Variants in SENP6 observed in about 807,000 individuals in gnomAD.
SENP6 encodes the protein SUMO specific peptidase 6.
SENP6 carries 41 observed loss-of-function variants against 134.5 expected under a neutral mutation model. The ratio of observed to expected loss-of-function variants is 0.30; its 90% CI spans 0.24 to 0.40. The LOEUF (loss-of-function observed/expected upper bound fraction) is 0.40. Ranked by LOEUF, SENP6 falls within the 10% of genes least tolerant of loss-of-function variation. The pLI is 1.00. For missense variants in SENP6, 1,248 were observed against 1,312.5 expected (o/e 0.95, Z 0.76); for synonymous variants, 395 against 429.8 (o/e 0.92, Z 1.00).
chr6:75,614,678 C>G (rs1767717068), intron 1 of SENP6, among the ~76,000 whole-genome samples: 1 of 152,206 alleles, frequency 6.6e-6, no homozygotes, highest in African/African-American at 2.4e-5. Context: ...ATTGATGATT[C>G]ATGACTGAAT....
At chr6:75,647,028 C>T (rs554775874) in intron 6 of SENP6, among the ~76,000 whole-genome samples, 8 of 152,196 alleles carry the variant, frequency 5.3e-5, no homozygotes, top group African/African-American at 1.9e-4. Flanking sequence ...CTATGATTTA[C>T]ATTACTAGAT....
At chr6:75,619,319 A>G (rs1768087879) in intron 1 of SENP6, among the ~76,000 whole-genome samples, 1 of 152,108 alleles carries the variant, frequency 6.6e-6, no homozygotes, top group East Asian at 1.9e-4. Context: ...TATATGTGGA[A>G]TCATACAATA....
chr6:75,626,564 A>G (rs1323038441), intron 3 of SENP6, among the ~76,000 whole-genome samples: 2 of 152,082 alleles, frequency 1.3e-5, no homozygotes, highest in African/African-American at 2.4e-5. Context: ...TTTTTCCCCC[A>G]GTCTTTTGCT....
intron 3 of SENP6, among the ~76,000 whole-genome samples, chr6:75,630,948 A>G (rs896409292): frequency 2.0e-5 from 3 of 152,088 alleles, no homozygotes; most frequent in African/African-American, 7.2e-5. Context: ...CGTATTCTGA[A>G]TAATTTCTTT....
chr6:75,637,480 G>T (rs1157130034), intron 5 of SENP6, among the ~76,000 whole-genome samples: 2 of 152,110 alleles, frequency 1.3e-5, no homozygotes, highest in Non-Finnish European at 2.9e-5. Flanking sequence ...AAGATAGATT[G>T]TTTATACACT....
chr6:75,603,483 T>A (rs1002243332), intron 1 of SENP6, among the ~76,000 whole-genome samples: 7 of 152,244 alleles, frequency 4.6e-5, no homozygotes, highest in African/African-American at 1.7e-4. Context: ...CTCATTCTTC[T>A]TGTTAAAAAG....
chr6:75,642,168 A>G (rs936967970), intron 6 of SENP6, among the ~76,000 whole-genome samples: 5 of 152,250 alleles, frequency 3.3e-5, no homozygotes, highest in Admixed American at 3.3e-4. Flanking sequence ...CCAAGTATTT[A>G]TCGAACCTGC....
chr6:75,623,965 GTGT>G lies in SENP6; in HGVS notation c.207+8_207+10del. The G allele has an allele frequency of 6.2e-7, 1 of 1,602,038 alleles. No homozygotes were observed. The highest frequency in any genetic ancestry group is 8.5e-7 in the Non-Finnish European group (1 of 1,172,290). ...GAAACCTCAAAAGGAAAAAAGGCAA[GTGT>G]TGCTTAAAATATTTTCTTCTTTTAC... is the stretch of plus-strand genomic sequence containing the variant. On this transcript the variant is annotated splice_donor_region_variant and intron_variant, in intron 3 of 23. Coordinates refer to ENST00000447266, the MANE Select transcript of SENP6 (RefSeq NM_015571.4).
At chr6:75,662,642 TCA>T (rs1771875479) in intron 8 of SENP6, among the ~76,000 whole-genome samples, 2 of 152,330 alleles carry the variant, frequency 1.3e-5, no homozygotes, top group East Asian at 3.9e-4. Flanking sequence ...TTCGTAATTC[TCA>T]CAGAGTTCCA....
intron 10 of SENP6, 84 bp downstream of exon 10, chr6:75,667,025 T>C (rs750696769): frequency 1.3e-5 from 10 of 753,096 alleles, no homozygotes; most frequent in Non-Finnish European, 1.9e-5. Flanking sequence ...AGTTTGGTAG[T>C]GCCAAGAAAA....
chr6:75,661,913 A>T (rs1262155915), intron 8 of SENP6, among the ~76,000 whole-genome samples: 1 of 152,132 alleles, frequency 6.6e-6, no homozygotes, highest in East Asian at 1.9e-4. Context: ...TTAGCTGAGC[A>T]TGGTGGTGGG....
chr6:75,614,299 T>C (rs529272416), intron 1 of SENP6, among the ~76,000 whole-genome samples: 91 of 150,518 alleles, frequency 6.0e-4, no homozygotes, highest in African/African-American at 2.2e-3. Context: ...AGAGTCTGGC[T>C]CTGTCACCCA....
chr6:75,610,294 G>C (rs1767345864), intron 1 of SENP6, among the ~76,000 whole-genome samples: 1 of 152,180 alleles, frequency 6.6e-6, no homozygotes. Context: ...AAGTAAAACA[G>C]TATCTTGATA....
intron 23 of SENP6, among the ~76,000 whole-genome samples, chr6:75,714,284 A>G (rs538596937): frequency 2.3e-4 from 35 of 152,282 alleles, no homozygotes; most frequent in South Asian, 8.3e-4. Context: ...GACAGTGTCA[A>G]CCATTTCTTC....
intron 5 of SENP6, among the ~76,000 whole-genome samples, chr6:75,637,470 A>C (rs1395193399): frequency 6.6e-6 from 1 of 152,192 alleles, no homozygotes; most frequent in Non-Finnish European, 1.5e-5. Context: ...TCATATTTAA[A>C]AGATAGATTG....
At chr6:75,626,496 C>T (rs1287860405) in intron 3 of SENP6, among the ~76,000 whole-genome samples, 4 of 152,192 alleles carry the variant, frequency 2.6e-5, no homozygotes, top group Admixed American at 2.6e-4. Context: ...TTATATAGTA[C>T]TTCATTGGAT....
At chr6:75,695,481 A>C (rs1774595438) in intron 16 of SENP6, among the ~76,000 whole-genome samples, 1 of 152,346 alleles carries the variant, frequency 6.6e-6, no homozygotes, top group Non-Finnish European at 1.5e-5. Flanking sequence ...TCACGCCTGT[A>C]ATCCCAGCAC....
chr6:75,692,135 C>T (rs1173023081), intron 16 of SENP6, among the ~76,000 whole-genome samples: 11 of 152,170 alleles, frequency 7.2e-5, no homozygotes, highest in Non-Finnish European at 1.6e-4. Context: ...GGATTACAGG[C>T]GTGAGCCACC....
chr6:75,698,936 G>A (rs950134600), intron 18 of SENP6, among the ~76,000 whole-genome samples: 10 of 151,690 alleles, frequency 6.6e-5, no homozygotes, highest in Admixed American at 1.3e-4. Flanking sequence ...GCCTGAACCC[G>A]GGAGGCAGAG....
Sources: allele counts gnomAD v4.1 joint callset (sites outside exome capture counted in the v4.1 genomes callset), GRCh38; gene constraint gnomAD v4.1.1; transcripts MANE v1.5; gene names NCBI Gene and HGNC (gene_info 2026-07-23, HGNC 2026-07-21).